The following VAC14 variants were observed in gnomAD, a reference collection of about 807,000 sequenced individuals.
The protein encoded by VAC14 is VAC14 component of PIKFYVE complex, also known as protein VAC14 homolog.
VAC14 carries 47 observed loss-of-function variants against 85.3 expected under a neutral mutation model. The observed-to-expected ratio is 0.55, with a 90% CI of 0.44 to 0.70. The LOEUF (loss-of-function observed/expected upper bound fraction) is 0.70. Ranked by LOEUF, VAC14 falls within the 30% of genes least tolerant of loss-of-function variation. The pLI is 0.00. For missense variants in VAC14, 861 were observed against 1,004.3 expected (o/e 0.86, Z 1.93); for synonymous variants, 447 against 430.5 (o/e 1.04, Z -0.47).
At chr16:70,722,305 C>A (rs117758055) in intron 14 of VAC14, among the ~76,000 whole-genome samples, 1 of 152,336 alleles carries the variant, frequency 6.6e-6, no homozygotes, top group East Asian at 1.9e-4. Context: ...CCATCTGAGG[C>A]GGAATTCTGT....
chr16:70,765,364 A>G (rs1441183737), intron 10 of VAC14, among the ~76,000 whole-genome samples: 1 of 152,170 alleles, frequency 6.6e-6, no homozygotes, highest in Non-Finnish European at 1.5e-5. Flanking sequence ...CTCCACTGGC[A>G]TGGGGCAGGA....
chr16:70,724,132 C>T (rs2054362278), intron 14 of VAC14, among the ~76,000 whole-genome samples: 1 of 152,302 alleles, frequency 6.6e-6, no homozygotes. Context: ...GCAGGGCTCC[C>T]TCTGGCCAGC....
intron 14 of VAC14, among the ~76,000 whole-genome samples, chr16:70,700,638 G>T (rs2053807047): frequency 6.6e-6 from 1 of 152,220 alleles, no homozygotes; most frequent in African/African-American, 2.4e-5. Context: ...AGCCCAGCCA[G>T]GCAGCCTCAA....
chr16:70,708,555 G>C (rs558911268), intron 14 of VAC14, among the ~76,000 whole-genome samples: 10 of 152,326 alleles, frequency 6.6e-5, no homozygotes, highest in African/African-American at 2.2e-4. Flanking sequence ...GCAGGTGTTT[G>C]ACTCACAATG....
intron 1 of VAC14, among the ~76,000 whole-genome samples, chr16:70,792,329 A>C (rs1258430621): frequency 6.6e-6 from 1 of 152,208 alleles, no homozygotes; most frequent in Non-Finnish European, 1.5e-5. Flanking sequence ...GGGGGATCTG[A>C]GGCTGAACTA....
chr16:70,791,272 C>T (rs945564404), intron 1 of VAC14, among the ~76,000 whole-genome samples: 1 of 152,256 alleles, frequency 6.6e-6, no homozygotes, highest in East Asian at 1.9e-4. Flanking sequence ...GATGATCCCA[C>T]GAAGTGAGCG....
At chr16:70,776,748 T>C (rs1345694593) in intron 9 of VAC14, among the ~76,000 whole-genome samples, 1 of 148,600 alleles carries the variant, frequency 6.7e-6, no homozygotes, top group Non-Finnish European at 1.5e-5. Context: ...AATTTAAATA[T>C]GGTTTGTTTC....
chr16:70,800,787 C>T lies in VAC14; in HGVS notation c.104+10G>A. ...CTGCATAGCCAGGGAGGGGTCCTGG[C>T]GGCTCTTACTTCTCGATCTCCAGCG... On this transcript the variant is annotated intron_variant, in intron 1 of 18. Transcript: ENST00000261776. 6.2e-6 allele frequency: 10 copies of T among 1,608,672 alleles called. No individual in the cohort carries two copies. The highest frequency in any genetic ancestry group is 8.5e-6 in the Non-Finnish European group (10 of 1,177,290).
At position 70,697,399 on chromosome 16, in the gene VAC14, G is replaced by A. The variant is rs2242126; in HGVS notation, c.1837-142C>T. The stretch of plus-strand genomic sequence containing the variant: ...GCAGCCAGAGCCAGCTTAGCACCCC[G>A]GCTGGGAACGAGCCGTCACAAAGGA... On this transcript the variant is annotated intron_variant, in intron 15 of 18. Coordinates refer to ENST00000261776, the MANE Select transcript of VAC14 (RefSeq NM_018052.5). 350,616 of 611,034 alleles carry A rather than the reference G, an allele frequency of 0.57. 105,060 individuals are homozygous for A. The highest frequency in any genetic ancestry group is 0.64 in the African/African-American group (34,674 of 53,902). The allele number at this position is 611,034 out of a possible 1,614,324, so 37.9% of individuals were successfully genotyped here. A position where few individuals can be genotyped will look rare whatever the true frequency, so the allele number is the denominator to read the frequency against.
intron 17 of VAC14, 87 bp from the exon 18 acceptor site, chr16:70,693,058 A>G (rs2053630643): frequency 1.3e-6 from 2 of 1,484,134 alleles, no homozygotes; most frequent in Non-Finnish European, 1.8e-6. Flanking sequence ...ACTGGCCAGG[A>G]CCACCTGGGA....
intron 14 of VAC14, among the ~76,000 whole-genome samples, chr16:70,706,694 G>T (rs1597863077): frequency 1.3e-5 from 2 of 152,322 alleles, no homozygotes; most frequent in East Asian, 3.9e-4. Flanking sequence ...GTAGCGACAT[G>T]TTGACCAGGC....
chr16:70,706,343 G>A (rs1247402676), intron 14 of VAC14, among the ~76,000 whole-genome samples: 1 of 152,210 alleles, frequency 6.6e-6, no homozygotes, highest in Non-Finnish European at 1.5e-5. Flanking sequence ...TCTGCAAGTC[G>A]CCTTAGGACT....
At chr16:70,730,659 G>A (rs536352192) in intron 14 of VAC14, among the ~76,000 whole-genome samples, 1 of 147,414 alleles carries the variant, frequency 6.8e-6, no homozygotes, top group South Asian at 2.2e-4. Context: ...GTGCAGTGGT[G>A]TGATCTCGGC....
chr16:70,713,150 G>A (rs2054072706), intron 14 of VAC14, among the ~76,000 whole-genome samples: 2 of 151,888 alleles, frequency 1.3e-5, no homozygotes, highest in South Asian at 2.1e-4. Context: ...ATACAAGCAC[G>A]AAAAAAAAGG....
In VAC14 at chr16:70,781,837, T is replaced by C. The variant is rs554326580; in HGVS notation, c.946+32A>G. On this transcript the variant is annotated intron_variant, in intron 8 of 18. Transcript: ENST00000261776. The stretch of plus-strand genomic sequence containing the variant: ...AACTTCATAATCCCTTTGGGGCTTC[T>C]CTCAATTATTCTCTCCCAAAGCAAA... The C allele has an allele frequency of 2.5e-6, 4 of 1,610,662 alleles. No individual in the cohort carries two copies. In the African/African-American group the frequency reaches 4.0e-5, roughly 16 times the overall value.
At chr16:70,704,811 C>A (rs1450434736) in intron 14 of VAC14, among the ~76,000 whole-genome samples, 1 of 152,318 alleles carries the variant, frequency 6.6e-6, no homozygotes, top group East Asian at 1.9e-4. Context: ...AGGTGAGGCC[C>A]AGGAGGGCAA....
intron 7 of VAC14, among the ~76,000 whole-genome samples, chr16:70,782,557 C>T (rs916464117): frequency 6.6e-6 from 1 of 152,256 alleles, no homozygotes; most frequent in Non-Finnish European, 1.5e-5. Flanking sequence ...CCCCAGCAAC[C>T]CTACAGTTAA....
chr16:70,688,270 T>A (rs2053536540), intron 18 of VAC14, 180 bp from the exon 19 acceptor site: 1 of 1,237,844 alleles, frequency 8.1e-7, no homozygotes. Context: ...CCCCTGAGCA[T>A]CCCCCTCTTC....
At position 70,786,293 on chromosome 16, in the gene VAC14, C is replaced by T; in HGVS notation, c.177G>A (p.Glu59=). Residue 59 remains glutamate (E), a synonymous_variant, in exon 2 of 19, where the codon GAG becomes GAA. Transcript: ENST00000261776. ...TGTGGGGGTGCTGAGACAGGGCAAA[C>T]TCCTGGGACAGGGTCTGGATCACAT... The part of the protein sequence containing the change: ...IKHVIQTLSQ[E]FALSQHPHSR... 6.2e-7 allele frequency: 1 copy of T among 1,614,244 alleles called. No homozygotes were observed. The highest frequency in any genetic ancestry group is 8.5e-7 in the Non-Finnish European group (1 of 1,180,036).
Sources: allele counts gnomAD v4.1 joint callset (sites outside exome capture counted in the v4.1 genomes callset), GRCh38; gene constraint gnomAD v4.1.1; transcripts MANE v1.5; gene names NCBI Gene and HGNC (gene_info 2026-07-23, HGNC 2026-07-21).